The following NCOA2 variants were observed in gnomAD, a reference collection of about 807,000 sequenced individuals.
NCOA2 encodes the protein nuclear receptor coactivator 2.
A neutral mutation model predicts 145.1 loss-of-function variants in NCOA2; 21 were observed. That is an observed-to-expected ratio of 0.14 (90% CI 0.10 to 0.21). The LOEUF (loss-of-function observed/expected upper bound fraction) is 0.21. Among genes scored for constraint, NCOA2 ranks in the 10% least tolerant of loss-of-function variants. The pLI, the probability that NCOA2 is intolerant of heterozygous loss-of-function variation, is 1.00. For synonymous variants in NCOA2, 619 were observed against 637.5 expected (o/e 0.97, Z 0.44); for missense variants, 1,472 against 1,837.6 (o/e 0.80, Z 3.64).
intron 1 of NCOA2, among the ~76,000 whole-genome samples, chr8:70,390,092 C>G (rs1328560367): frequency 6.6e-6 from 1 of 152,222 alleles, no homozygotes; most frequent in African/African-American, 2.4e-5. Flanking sequence ...TGTCACTTTT[C>G]TTTCCATTCT....
At chr8:70,342,774 TACACAC>T (rs370685018) in intron 1 of NCOA2, among the ~76,000 whole-genome samples, 9,206 of 124,024 alleles carry the variant, frequency 0.074, 338 homozygotes, top group Admixed American at 0.096. Context: ...CTTTTGCAAT[TACACAC>T]ACACACACAC....
At position 70,233,224 on chromosome 8, in the gene NCOA2, T is replaced by TA. The variant is rs990932604; in HGVS notation, c.-19-16461dup. 2.9e-4 allele frequency among the ~76,000 whole-genome samples: 42 copies of TA among 146,890 alleles called. 1 individual carries two copies. Among genetic ancestry groups the TA allele is most frequent in the Non-Finnish European group, 4.8e-4 (32 of 66,280 alleles). ...CTGGGTGACAGAGTGAGACTCCGTT[T>TA]AAAAAAAAAAAGATAATACGTGTCA... On this transcript the variant is annotated intron_variant, in intron 2 of 22. Transcript: ENST00000452400.
At chr8:70,150,808 C>A (rs374910047) in intron 11 of NCOA2, among the ~76,000 whole-genome samples, 33 of 152,278 alleles carry the variant, frequency 2.2e-4, no homozygotes, top group Non-Finnish European at 4.6e-4. Context: ...ACGATGATTT[C>A]TTTTAATCAT....
chr8:70,385,828 G>C (rs534006660), intron 1 of NCOA2, among the ~76,000 whole-genome samples: 3 of 150,762 alleles, frequency 2.0e-5, no homozygotes, highest in African/African-American at 7.4e-5. Flanking sequence ...AGAGTGATGA[G>C]GAAAAAAAAA....
chr8:70,183,910 CA>C (rs1815760529), intron 4 of NCOA2, among the ~76,000 whole-genome samples: 1 of 152,156 alleles, frequency 6.6e-6, no homozygotes, highest in Admixed American at 6.5e-5. Flanking sequence ...ATACTGAACA[CA>C]GTATTCACAG....
chr8:70,385,963 T>C (rs377129755), intron 1 of NCOA2, among the ~76,000 whole-genome samples: 1 of 152,238 alleles, frequency 6.6e-6, no homozygotes, highest in Admixed American at 6.5e-5. Context: ...AGTGCACGGT[T>C]TTCTTCTCTT....
At chr8:70,445,010 C>T in the NCOA2 span, among the ~76,000 whole-genome samples, 3 of 152,124 alleles carry the variant, frequency 2.0e-5, no homozygotes, top group Non-Finnish European at 2.9e-5. Flanking sequence ...TTGTGTGAGA[C>T]GTTGAATGCT....
intron 2 of NCOA2, among the ~76,000 whole-genome samples, chr8:70,276,275 G>C (rs1031593986): frequency 2.0e-5 from 3 of 152,052 alleles, no homozygotes; most frequent in African/African-American, 7.2e-5. Context: ...AAATTCTCAG[G>C]AAAGACAAAT....
intron 1 of NCOA2, among the ~76,000 whole-genome samples, chr8:70,355,052 A>AT (rs1228917003): frequency 2.0e-5 from 3 of 152,206 alleles, no homozygotes; most frequent in Admixed American, 6.5e-5. Flanking sequence ...CACACTCTGT[A>AT]TAATATTTTA....
chr8:70,204,215 C>A (rs1818210717), intron 4 of NCOA2, among the ~76,000 whole-genome samples: 1 of 151,988 alleles, frequency 6.6e-6, no homozygotes. Context: ...ACCATGTTGG[C>A]CAGGATAGTC....
chr8:70,327,765 A>T (rs537969092), intron 1 of NCOA2, among the ~76,000 whole-genome samples: 1 of 152,310 alleles, frequency 6.6e-6, no homozygotes, highest in South Asian at 2.1e-4. Flanking sequence ...GTATTAAGAG[A>T]GTTTTAAAAA....
At chr8:70,351,553 G>A (rs1809215287) in intron 1 of NCOA2, among the ~76,000 whole-genome samples, 1 of 149,006 alleles carries the variant, frequency 6.7e-6, no homozygotes, top group South Asian at 2.1e-4. Context: ...TAGGTTTCTT[G>A]ACTTGAGAGC....
Position 70,380,761 on chromosome 8 carries a change from C to A in NCOA2, c.-77+22939G>T, listed in dbSNP as rs912477481. 1.2e-4 allele frequency among the ~76,000 whole-genome samples: 18 copies of A among 151,754 alleles called. 1 individual carries two copies. Among genetic ancestry groups the A allele is most frequent in the African/African-American group, 4.1e-4 (17 of 41,296 alleles). ...CATTTGTTAATTCATATATACCACACGAAATTTTCTTCTTTAAAAAAGAAA... is the reference window on the plus strand; with the variant it reads ...CATTTGTTAATTCATATATACCACAAGAAATTTTCTTCTTTAAAAAAGAAA... On this transcript the variant is annotated intron_variant, in intron 1 of 22. Coordinates refer to ENST00000452400, the MANE Select transcript of NCOA2 (RefSeq NM_006540.4).
chr8:70,114,403 C>G (rs1342562928), intron 22 of NCOA2, among the ~76,000 whole-genome samples: 1 of 152,192 alleles, frequency 6.6e-6, no homozygotes, highest in Non-Finnish European at 1.5e-5. Flanking sequence ...TTATAGTGAG[C>G]AAATTATGTG....
At chr8:70,391,996 T>C (rs1026019378) in intron 1 of NCOA2, among the ~76,000 whole-genome samples, 4 of 152,236 alleles carry the variant, frequency 2.6e-5, no homozygotes, top group African/African-American at 7.2e-5. Flanking sequence ...TTATCCAATA[T>C]ACATACTCAC....
chr8:70,281,504 G>A (rs1825880805), intron 2 of NCOA2, among the ~76,000 whole-genome samples: 3 of 151,896 alleles, frequency 2.0e-5, no homozygotes, highest in Admixed American at 2.0e-4. Flanking sequence ...GTGGCCTCTT[G>A]TAGATCAAGG....
chr8:70,170,131 G>A (rs1034892945), intron 6 of NCOA2, 71 bp downstream of exon 6: 5 of 1,411,560 alleles, frequency 3.5e-6, no homozygotes, highest in African/African-American at 1.4e-5. Flanking sequence ...CTTCAACCAA[G>A]ACACTGTGTG....
intron 1 of NCOA2, among the ~76,000 whole-genome samples, chr8:70,321,179 T>C (rs1806021146): frequency 6.6e-6 from 1 of 152,198 alleles, no homozygotes; most frequent in South Asian, 2.1e-4. Flanking sequence ...TTGTACAGCA[T>C]GGAAAGTATA....
chr8:70,280,923 G>C (rs1455021140), intron 2 of NCOA2, among the ~76,000 whole-genome samples: 1 of 151,874 alleles, frequency 6.6e-6, no homozygotes, highest in Admixed American at 6.6e-5. Context: ...TGTGAGCTCT[G>C]TGGAGAGCAT....
Sources: allele counts gnomAD v4.1 joint callset (sites outside exome capture counted in the v4.1 genomes callset), GRCh38; gene constraint gnomAD v4.1.1; transcripts MANE v1.5; gene names NCBI Gene and HGNC (gene_info 2026-07-23, HGNC 2026-07-21).